TMEM40: variants seen among roughly 807,000 people sequenced by gnomAD.
The protein encoded by TMEM40 is transmembrane protein 40.
TMEM40 carries 34 observed loss-of-function variants against 40.8 expected under a neutral mutation model. The ratio of observed to expected loss-of-function variants is 0.83; its 90% CI spans 0.63 to 1.11. The LOEUF (loss-of-function observed/expected upper bound fraction) is 1.11, where lower values mean the gene tolerates loss of function less well. Among genes scored for constraint, TMEM40 ranks in the 50% least tolerant of loss-of-function variants. The pLI, the probability that TMEM40 is intolerant of heterozygous loss-of-function variation, is 0.00. For missense variants in TMEM40, 296 were observed against 280.2 expected (o/e 1.06, Z -0.40); for synonymous variants, 106 against 107.0 (o/e 0.99, Z 0.06).
At chr3:12,752,865 C>A (rs757580416) in intron 1 of TMEM40, among the ~76,000 whole-genome samples, 4 of 152,106 alleles carry the variant, frequency 2.6e-5, no homozygotes, top group Admixed American at 2.0e-4. Flanking sequence ...AGTGGTTAAG[C>A]AAGGGTAGTT....
At chr3:12,747,625 G>A (rs1435383582) in intron 3 of TMEM40, among the ~76,000 whole-genome samples, 1 of 151,900 alleles carries the variant, frequency 6.6e-6, no homozygotes, top group Non-Finnish European at 1.5e-5. Context: ...GGATGTTATT[G>A]GAGGCCAGGC....
chr3:12,740,601 T>C (rs1013376287), intron 5 of TMEM40, among the ~76,000 whole-genome samples: 11 of 150,270 alleles, frequency 7.3e-5, no homozygotes, highest in Non-Finnish European at 7.4e-5. Context: ...TTCACTCTTG[T>C]AATCCCAGCA....
At chr3:12,746,734 C>T (rs1001054658) in intron 3 of TMEM40, among the ~76,000 whole-genome samples, 1 of 152,136 alleles carries the variant, frequency 6.6e-6, no homozygotes, top group South Asian at 2.1e-4. Flanking sequence ...GGCTTTCTCC[C>T]GCTGCTTTCT....
chr3:12,742,419 A>G (rs1223230151), intron 5 of TMEM40, 35 bp downstream of exon 5: 1 of 1,608,758 alleles, frequency 6.2e-7, no homozygotes, highest in Middle Eastern at 1.7e-4. Flanking sequence ...CCTTCGTCTA[A>G]TTGTTTTCTC....
chr3:12,764,308 T>C (rs982906237), intron 1 of TMEM40, among the ~76,000 whole-genome samples: 4 of 152,036 alleles, frequency 2.6e-5, no homozygotes, highest in Non-Finnish European at 5.9e-5. Context: ...AATTGGAGAG[T>C]ATTGTGTCCA....
chr3:12,756,277 C>A (rs1176299762), intron 1 of TMEM40, among the ~76,000 whole-genome samples: 2 of 152,222 alleles, frequency 1.3e-5, no homozygotes, highest in Admixed American at 6.5e-5. Context: ...TGGGCGTACA[C>A]TGGCCCTGAG....
At chr3:12,751,435 A>G (rs1221496653) in intron 1 of TMEM40, among the ~76,000 whole-genome samples, 2 of 151,042 alleles carry the variant, frequency 1.3e-5, no homozygotes, top group East Asian at 1.9e-4. Flanking sequence ...GCGCCACACC[A>G]TGCTTGGCTA....
chr3:12,757,732 T>C (rs1188224587), intron 1 of TMEM40, among the ~76,000 whole-genome samples: 3 of 152,150 alleles, frequency 2.0e-5, no homozygotes, highest in Non-Finnish European at 4.4e-5. Context: ...GCAATTCCAA[T>C]CCCTAGTATA....
Position 12,743,914 on chromosome 3 carries a change from C to T in TMEM40, c.287G>A (p.Gly96Glu). 1 of 1,613,240 alleles carries T rather than the reference C, an allele frequency of 6.2e-7. No individual in the cohort carries two copies. The highest frequency in any genetic ancestry group is 1.3e-5 in the African/African-American group (1 of 75,020). ...RRSLGAGYPH[G>E]NGSPGPGHGE... is the part of the protein sequence containing the mutation. ...CTATTTCCTACCGGGTGAGCCGTTCCCGTGGGGGTATCCAGCCCCCAGGCT... is the reference window on the plus strand; with the variant it reads ...CTATTTCCTACCGGGTGAGCCGTTCTCGTGGGGGTATCCAGCCCCCAGGCT... Residue 96 changes from glycine (G) to glutamate (E), a missense_variant, in exon 4 of 12, where the codon GGG becomes GAG. By Grantham distance (98) the Gly-to-Glu change is moderately conservative. Transcript: ENST00000314124.
chr3:12,766,881 G>A (rs2061596896), intron 1 of TMEM40, among the ~76,000 whole-genome samples: 1 of 151,978 alleles, frequency 6.6e-6, no homozygotes, highest in Admixed American at 6.6e-5. Flanking sequence ...CTGACCCTCG[G>A]CCTAGTGATC....
At chr3:12,768,850 G>A (rs1370593463) in intron 1 of TMEM40, among the ~76,000 whole-genome samples, 1 of 150,238 alleles carries the variant, frequency 6.7e-6, no homozygotes, top group African/African-American at 2.4e-5. Context: ...AGGGGGCAGC[G>A]CTCATTGGGG....
chr3:12,735,765 GTTA>G lies in TMEM40; in HGVS notation c.620-151_620-149del, dbSNP rs916705672. ...GTTAAGCTTAGATAATGGTACTAGAGTTATTATTACTAAAAACAACAACCACGA... is the reference window on the plus strand; with the variant it reads ...GTTAAGCTTAGATAATGGTACTAGAGTTATTACTAAAAACAACAACCACGA... On this transcript the variant is annotated intron_variant, in intron 10 of 11. Coordinates refer to ENST00000314124, the MANE Select transcript of TMEM40 (RefSeq NM_018306.4). The G allele has an allele frequency of 5.1e-6, 3 of 593,528 alleles. No homozygotes were observed. In the African/African-American group the frequency reaches 5.8e-5, roughly 11 times the overall value. 36.8% of individuals were successfully genotyped at this position (593,528 alleles called of 1,614,324 possible).
intron 5 of TMEM40, among the ~76,000 whole-genome samples, chr3:12,739,591 AT>A (rs140713854): frequency 0.041 from 6,098 of 148,448 alleles, 303 homozygotes; most frequent in African/African-American, 0.11. Flanking sequence ...GCTGCCAGTG[AT>A]TTTTTTTTAA....
chr3:12,751,339 T>C (rs1269388563), intron 1 of TMEM40, among the ~76,000 whole-genome samples: 1 of 150,610 alleles, frequency 6.6e-6, no homozygotes, highest in Admixed American at 6.7e-5. Flanking sequence ...TGGAGTGCAG[T>C]GGCATGATCT....
In TMEM40 at chr3:12,738,637, G is replaced by T. The variant is rs762088897; in HGVS notation, c.356-49C>A. ...TCATATACCCATGATCCTCTGGGGG[G>T]GGAGAAGTCATGCTTCAGGGAAGGT... On this transcript the variant is annotated intron_variant, in intron 5 of 11. Coordinates refer to ENST00000314124, the MANE Select transcript of TMEM40 (RefSeq NM_018306.4). 4.7e-5 allele frequency: 75 copies of T among 1,593,344 alleles called. 1 individual carries two copies. The South Asian group carries it at 7.7e-4, about 16-fold the overall frequency.
chr3:12,751,803 G>A (rs1402391054), intron 1 of TMEM40, among the ~76,000 whole-genome samples: 2 of 152,116 alleles, frequency 1.3e-5, no homozygotes, highest in Non-Finnish European at 2.9e-5. Flanking sequence ...CTAGAGTGGA[G>A]GAAGAGTTGT....
At chr3:12,765,554 G>A (rs1028109383) in intron 1 of TMEM40, among the ~76,000 whole-genome samples, 1 of 149,450 alleles carries the variant, frequency 6.7e-6, no homozygotes, top group African/African-American at 2.5e-5. Context: ...AAGAAAAATG[G>A]CTGTTTGATT....
intron 1 of TMEM40, among the ~76,000 whole-genome samples, chr3:12,755,467 T>C (rs1399238498): frequency 6.6e-6 from 1 of 151,712 alleles, no homozygotes; most frequent in Non-Finnish European, 1.5e-5. Flanking sequence ...TATAAAATAA[T>C]ATTCTAAAAA....
At chr3:12,753,074 T>G (rs1366484898) in intron 1 of TMEM40, among the ~76,000 whole-genome samples, 2 of 152,128 alleles carry the variant, frequency 1.3e-5, no homozygotes, top group African/African-American at 4.8e-5. Flanking sequence ...TGGGCAGGTC[T>G]TTAGCACACT....
Sources: allele counts gnomAD v4.1 joint callset (sites outside exome capture counted in the v4.1 genomes callset), GRCh38; gene constraint gnomAD v4.1.1; transcripts MANE v1.5; gene names NCBI Gene and HGNC (gene_info 2026-07-23, HGNC 2026-07-21).